Variants in AGPS observed in about 807,000 individuals in gnomAD.
The protein encoded by AGPS is alkylglycerone phosphate synthase, also known as alkyldihydroxyacetonephosphate synthase, peroxisomal.
A neutral mutation model predicts 90.7 loss-of-function variants in AGPS; 26 were observed. The ratio of observed to expected loss-of-function variants is 0.29; its 90% confidence interval spans 0.21 to 0.40. The LOEUF (loss-of-function observed/expected upper bound fraction) is 0.40. Among genes scored for constraint, AGPS ranks in the 10% least tolerant of loss-of-function variants. The pLI, the probability that AGPS is intolerant of heterozygous loss-of-function variation, is 1.00. For synonymous variants in AGPS, 294 were observed against 285.3 expected (o/e 1.03, Z -0.31); for missense variants, 540 against 816.1 (o/e 0.66, Z 4.12).
intron 19 of AGPS, among the ~76,000 whole-genome samples, chr2:177,531,747 T>C (rs187878687): frequency 9.1e-4 from 138 of 152,294 alleles, no homozygotes; most frequent in African/African-American, 3.1e-3. Flanking sequence ...TTTCAAGACT[T>C]ACTATATAGT....
At chr2:177,445,368 T>C (rs1186050271) in intron 7 of AGPS, among the ~76,000 whole-genome samples, 178 bp from the exon 8 acceptor site, 1 of 152,244 alleles carries the variant, frequency 6.6e-6, no homozygotes, top group Non-Finnish European at 1.5e-5. Flanking sequence ...TTTGTTACTA[T>C]GTTGTCATGT....
At chr2:177,497,423 T>C (rs954597958) in intron 12 of AGPS, among the ~76,000 whole-genome samples, 5 of 151,916 alleles carry the variant, frequency 3.3e-5, no homozygotes, top group Admixed American at 2.0e-4. Flanking sequence ...ATTAATTACA[T>C]ATAGTGATTT....
At position 177,513,928 on chromosome 2, in the gene AGPS, CTTA is replaced by C; in HGVS notation, c.1697+22_1697+24del. ...ATGCAGGTAAGTTTTAAAAATTGTT[CTTA>C]TACTTCTTATTCTGAAAAAAATGTT... On this transcript the variant is annotated intron_variant, in intron 17 of 19. Transcript: ENST00000264167. 6.5e-7 allele frequency: 1 copy of C among 1,536,694 alleles called. No homozygotes were observed.
At chr2:177,513,026 G>A (rs1454916784) in intron 16 of AGPS, among the ~76,000 whole-genome samples, 1 of 151,524 alleles carries the variant, frequency 6.6e-6, no homozygotes, top group Non-Finnish European at 1.5e-5. Flanking sequence ...TTGATTTTTA[G>A]TAGAGACAAG....
chr2:177,517,658 G>A (rs1327216817), intron 17 of AGPS, among the ~76,000 whole-genome samples: 2 of 151,942 alleles, frequency 1.3e-5, no homozygotes, highest in Non-Finnish European at 2.9e-5. Flanking sequence ...TTCTAATTTT[G>A]GGGGAGGTGT....
intron 19 of AGPS, among the ~76,000 whole-genome samples, chr2:177,534,208 C>G (rs1559087716): frequency 6.6e-6 from 1 of 152,124 alleles, no homozygotes; most frequent in Non-Finnish European, 1.5e-5. Context: ...TTTTTGGTGG[C>G]CAGATTGGCC....
At chr2:177,436,118 T>C (rs10186918) in intron 3 of AGPS, among the ~76,000 whole-genome samples, 4,201 of 143,686 alleles carry the variant, frequency 0.029, 217 homozygotes, top group African/African-American at 0.1. Context: ...AAAATGGCAA[T>C]TGAAGAATAA....
intron 19 of AGPS, among the ~76,000 whole-genome samples, chr2:177,525,756 T>G (rs573423199): frequency 1.3e-5 from 2 of 152,338 alleles, no homozygotes; most frequent in South Asian, 4.1e-4. Context: ...AATGACTGCA[T>G]GCATTACAGA....
chr2:177,481,982 A>T, intron 10 of AGPS, 77 bp from the exon 11 acceptor site: 4 of 1,335,610 alleles, frequency 3.0e-6, no homozygotes, highest in Non-Finnish European at 3.1e-6. Context: ...AATTGAATTA[A>T]TAGATTAAAT....
chr2:177,489,110 A>G (rs531332434), intron 11 of AGPS, among the ~76,000 whole-genome samples: 38 of 132,352 alleles, frequency 2.9e-4, no homozygotes, highest in Non-Finnish European at 5.4e-4. Flanking sequence ...TTTGAAACGG[A>G]GTCTCGCTCT....
At chr2:177,497,991 A>C (rs1688459447) in intron 13 of AGPS, among the ~76,000 whole-genome samples, 1 of 151,888 alleles carries the variant, frequency 6.6e-6, no homozygotes, top group Non-Finnish European at 1.5e-5. Flanking sequence ...CTGCATTTGA[A>C]CAGTTTTGTT....
In AGPS at chr2:177,416,166, C is replaced by T. The variant is rs1350684054; in HGVS notation, c.261-4103C>T. Among the ~76,000 whole-genome samples the T allele has an allele frequency of 2.0e-5, 3 of 152,108 alleles. No individual in the cohort carries two copies. The East Asian group carries it at 5.8e-4, about 29-fold the overall frequency. ...TACTAGTAGAGGAATAGTAGTGTGA[C>T]AACCAGTCTGTAAACAGAGACTTCA... On this transcript the variant is annotated intron_variant, in intron 1 of 19. Coordinates refer to ENST00000264167, the MANE Select transcript of AGPS (RefSeq NM_003659.4).
chr2:177,403,974 T>G (rs1449131661), intron 1 of AGPS, among the ~76,000 whole-genome samples: 1 of 152,196 alleles, frequency 6.6e-6, no homozygotes, highest in East Asian at 1.9e-4. Flanking sequence ...AAAAGGGCCT[T>G]AATGAGTCAA....
At chr2:177,461,670 C>T (rs746468518) in intron 8 of AGPS, among the ~76,000 whole-genome samples, 1 of 151,514 alleles carries the variant, frequency 6.6e-6, no homozygotes, top group Non-Finnish European at 1.5e-5. Flanking sequence ...TTCTTTTGGC[C>T]TACATTTTTT....
Position 177,482,117 on chromosome 2 carries a change from A to G in AGPS, c.1164A>G (p.Gln388=), listed in dbSNP as rs1302412678. Residue 388 remains glutamine, a synonymous_variant, in exon 11 of 20, where the codon CAA becomes CAG. Transcript: ENST00000264167. ...AAATCAGACCAGTCCCTGAATACCA[A>G]AAGTATGGCTCAGTAGCTTTCCCTA... ...TIKIRPVPEY[Q]KYGSVAFPNF... The G allele has an allele frequency of 2.5e-6, 4 of 1,606,692 alleles. No homozygotes were observed. The highest frequency in any genetic ancestry group is 1.1e-5 in the South Asian group (1 of 90,810).
chr2:177,396,291 G>A (rs935633189), intron 1 of AGPS, among the ~76,000 whole-genome samples: 5 of 152,162 alleles, frequency 3.3e-5, no homozygotes, highest in African/African-American at 7.2e-5. Context: ...GGTCATGGAG[G>A]TCTTTGGCTT....
chr2:177,398,390 C>T (rs934285224), intron 1 of AGPS, among the ~76,000 whole-genome samples: 2 of 152,154 alleles, frequency 1.3e-5, no homozygotes, highest in African/African-American at 4.8e-5. Flanking sequence ...ATTTAAATCT[C>T]ACACAACAGC....
intron 19 of AGPS, among the ~76,000 whole-genome samples, chr2:177,531,192 A>G (rs967132436): frequency 1.6e-4 from 24 of 152,326 alleles, no homozygotes; most frequent in African/African-American, 5.8e-4. Context: ...AGTGTGAAAC[A>G]AAAGGCATAT....
chr2:177,424,172 C>G (rs1348498511), intron 2 of AGPS, among the ~76,000 whole-genome samples: 1 of 152,076 alleles, frequency 6.6e-6, no homozygotes, highest in Non-Finnish European at 1.5e-5. Context: ...TTCATGTGTT[C>G]TCATTGTTCA....
Sources: gnomAD v4.1 joint callset for allele counts (sites outside exome capture counted in the v4.1 genomes callset) on GRCh38, gnomAD v4.1.1 for gene constraint, MANE v1.5 for transcripts, NCBI Gene and HGNC (gene_info 2026-07-23, HGNC 2026-07-21) for gene names.